TBC1D12: variants seen among roughly 807,000 people sequenced by gnomAD.
TBC1D12 encodes the protein TBC1 domain family member 12, also known as TBC1 domain family, member 12.
A neutral mutation model predicts 86.7 loss-of-function variants in TBC1D12; 56 were observed. The ratio of observed to expected loss-of-function variants is 0.65; its 90% CI spans 0.52 to 0.81. The LOEUF (loss-of-function observed/expected upper bound fraction) is 0.81. TBC1D12 is among the 30% of genes least tolerant of loss of function. TBC1D12 has a pLI of 0.00. For missense variants in TBC1D12, 1,023 were observed against 1,038.8 expected, an observed-to-expected ratio of 0.98 and a Z score of 0.21; for synonymous variants, 421 against 411.7, an observed-to-expected ratio of 1.02 and a Z score of -0.27.
chr10:94,417,872 C>T (rs2055020855), intron 1 of TBC1D12, among the ~76,000 whole-genome samples: 1 of 118,042 alleles, frequency 8.5e-6, no homozygotes, highest in Non-Finnish European at 1.8e-5. Context: ...CCTCACGCCT[C>T]CCGAGTAGCT....
At chr10:94,522,158 G>T (rs1234924030) in intron 10 of TBC1D12, 75 bp downstream of exon 10, 1 of 1,510,330 alleles carries the variant, frequency 6.6e-7, no homozygotes, top group African/African-American at 1.4e-5. Context: ...TAATTAGAAG[G>T]CCAAAACAAT....
At chr10:94,443,986 A>G (rs2055416299) in intron 2 of TBC1D12, among the ~76,000 whole-genome samples, 1 of 152,154 alleles carries the variant, frequency 6.6e-6, no homozygotes, top group South Asian at 2.1e-4. Context: ...CTTGGCCAAC[A>G]TGGTGAAACC....
At chr10:94,423,051 GA>G (rs2055096293) in intron 1 of TBC1D12, among the ~76,000 whole-genome samples, 1 of 152,190 alleles carries the variant, frequency 6.6e-6, no homozygotes, top group African/African-American at 2.4e-5. Context: ...AGTGAGCCAT[GA>G]TCACGCCAGT....
At chr10:94,404,611 A>C (rs1412352982) in intron 1 of TBC1D12, among the ~76,000 whole-genome samples, 1 of 150,656 alleles carries the variant, frequency 6.6e-6, no homozygotes, top group African/African-American at 2.4e-5. Context: ...GTGCCATTGC[A>C]CTCCAGCCTG....
chr10:94,440,557 A>G (rs972598510), intron 1 of TBC1D12, among the ~76,000 whole-genome samples: 1 of 152,136 alleles, frequency 6.6e-6, no homozygotes. Context: ...ATTTTCTATT[A>G]TCACTAATCT....
rs1163798576 is a variant in TBC1D12 at position 94,403,433 on chromosome 10, C to A, written c.820C>A (p.Arg274Ser). Residue 274 changes from arginine (R) to serine (S), a missense_variant, in exon 1 of 13, where the codon CGC (arginine) becomes AGC (serine). Transcript: ENST00000225235. ...CTTTTCTGACATTCACTTCAACTCT[C>A]GCAACACGTTCCAGGTGAGCCGCGG... ...LGFSDIHFNS[R>S]NTFQVSRGQS... is the part of the protein sequence containing the mutation. 1.9e-6 allele frequency: 3 copies of A among 1,549,484 alleles called. No homozygotes were observed. The highest frequency in any genetic ancestry group is 2.6e-6 in the Non-Finnish European group (3 of 1,147,594).
At chr10:94,512,858 A>T (rs7086462) in intron 9 of TBC1D12, among the ~76,000 whole-genome samples, 64,017 of 152,014 alleles carry the variant, frequency 0.42, 13,923 homozygotes, top group East Asian at 0.76. Context: ...TTCACATGTT[A>T]AAGTTGAAGT....
intron 9 of TBC1D12, among the ~76,000 whole-genome samples, chr10:94,513,093 A>G (rs1467153701): frequency 6.6e-6 from 1 of 152,114 alleles, no homozygotes; most frequent in Non-Finnish European, 1.5e-5. Flanking sequence ...CTGAAAATAC[A>G]AAAATTAGCT....
rs1339570901 is a variant in TBC1D12, at chr10:94,514,290, G to C, written c.1761+2636G>C. On this transcript the variant is annotated intron_variant, in intron 9 of 12. Transcript: ENST00000225235. Reference sequence around the variant, plus strand: ...CTCAAGAGGCTGAGGTGGAAAGATCGCTAGAGTTCAGGCTCTTGAAGCTGT... The same window carrying C: ...CTCAAGAGGCTGAGGTGGAAAGATCCCTAGAGTTCAGGCTCTTGAAGCTGT... Among the ~76,000 whole-genome samples the C allele has an allele frequency of 2.6e-5, 4 of 152,220 alleles. No homozygotes were observed. In the East Asian group the frequency reaches 7.7e-4, roughly 29 times the overall value.
intron 1 of TBC1D12, among the ~76,000 whole-genome samples, chr10:94,409,100 T>C (rs2054894230): frequency 6.6e-6 from 1 of 152,150 alleles, no homozygotes; most frequent in Non-Finnish European, 1.5e-5. Context: ...ATCTTTTCCC[T>C]GTGTGTCACT....
chr10:94,512,687 T>C (rs183957183), intron 9 of TBC1D12, among the ~76,000 whole-genome samples: 6 of 152,276 alleles, frequency 3.9e-5, no homozygotes, highest in Admixed American at 3.9e-4. Context: ...AAGTGTGAGA[T>C]GATAAAGGGG....
chr10:94,403,710 C>A, intron 1 of TBC1D12, 126 bp downstream of exon 1: 1 of 1,178,558 alleles, frequency 8.5e-7, no homozygotes, highest in Non-Finnish European at 1.1e-6. Context: ...TCCGTGCCAG[C>A]CCCACACGCG....
At chr10:94,459,838 C>T (rs553009565) in intron 2 of TBC1D12, among the ~76,000 whole-genome samples, 8 of 152,294 alleles carry the variant, frequency 5.3e-5, no homozygotes, top group African/African-American at 1.4e-4. Context: ...TGCACTGGCC[C>T]GTGAGTGCCG....
intron 6 of TBC1D12, among the ~76,000 whole-genome samples, chr10:94,503,256 C>CCT (rs2056421641): frequency 6.6e-6 from 1 of 152,150 alleles, no homozygotes; most frequent in African/African-American, 2.4e-5. Flanking sequence ...TATATGTTAA[C>CCT]ATCCAAGTAC....
At chr10:94,427,833 C>A (rs1164016870) in intron 1 of TBC1D12, among the ~76,000 whole-genome samples, 114 of 67,024 alleles carry the variant, frequency 1.7e-3, no homozygotes, top group Middle Eastern at 0.021. Flanking sequence ...CCCTGTCTCA[C>A]AAAAAAAAAA....
At chr10:94,463,023 G>T (rs1041957885) in intron 2 of TBC1D12, among the ~76,000 whole-genome samples, 17 of 152,000 alleles carry the variant, frequency 1.1e-4, no homozygotes, top group African/African-American at 3.6e-4. Context: ...TGTATTTTAA[G>T]CTACAAATTT....
intron 9 of TBC1D12, among the ~76,000 whole-genome samples, chr10:94,517,905 C>T (rs1842041897): frequency 6.6e-6 from 1 of 152,138 alleles, no homozygotes; most frequent in South Asian, 2.1e-4. Flanking sequence ...GTAATCCCAG[C>T]ATTTTGGGAG....
chr10:94,461,970 C>T (rs74153358), intron 2 of TBC1D12, among the ~76,000 whole-genome samples: 1,825 of 152,228 alleles, frequency 0.012, 55 homozygotes, highest in African/African-American at 0.042. Flanking sequence ...GGATTATAGG[C>T]GTGAGCCACC....
chr10:94,506,092 A>T (rs2056457271), intron 6 of TBC1D12, among the ~76,000 whole-genome samples: 1 of 150,952 alleles, frequency 6.6e-6, no homozygotes, highest in Non-Finnish European at 1.5e-5. Flanking sequence ...ACTGGAGTGC[A>T]GTGGTGCGAT....
Sources: gnomAD v4.1 joint callset for allele counts (sites outside exome capture counted in the v4.1 genomes callset) on GRCh38, gnomAD v4.1.1 for gene constraint, MANE v1.5 for transcripts, NCBI Gene and HGNC (gene_info 2026-07-23, HGNC 2026-07-21) for gene names.